Variants in RANBP2 observed in about 807,000 individuals in gnomAD.
RANBP2 encodes the protein RAN binding protein 2.
A neutral mutation model predicts 303.6 loss-of-function variants in RANBP2; 57 were observed. That is an observed-to-expected ratio of 0.19 (90% CI 0.15 to 0.23). RANBP2 has a LOEUF of 0.23. Among genes scored for constraint, RANBP2 ranks in the 10% least tolerant of loss-of-function variants. The pLI is 1.00. For missense variants in RANBP2, 3,138 were observed against 3,780.8 expected, an observed-to-expected ratio of 0.83 and a Z score of 4.46; for synonymous variants, 1,167 against 1,301.5, an observed-to-expected ratio of 0.90 and a Z score of 2.23.
chr2:109,684,400 C>T, the RANBP2 span, among the ~76,000 whole-genome samples: 57 of 151,916 alleles, frequency 3.8e-4, no homozygotes, highest in African/African-American at 1.3e-3. Context: ...GCCACCACGG[C>T]CGGCTAATTT....
chr2:109,415,719 C>A, the RANBP2 span, among the ~76,000 whole-genome samples: 1 of 152,276 alleles, frequency 6.6e-6, no homozygotes, highest in South Asian at 2.1e-4. Flanking sequence ...GATACTGCCC[C>A]CTTTGCCTCC....
the RANBP2 span, among the ~76,000 whole-genome samples, chr2:109,468,983 A>G: frequency 6.7e-6 from 1 of 150,082 alleles, no homozygotes; most frequent in Non-Finnish European, 1.5e-5. Flanking sequence ...TACTAGATGC[A>G]TGTCAAGCTC....
the RANBP2 span, among the ~76,000 whole-genome samples, chr2:109,094,244 C>T: frequency 5.3e-5 from 8 of 152,112 alleles, no homozygotes; most frequent in South Asian, 2.1e-4. Flanking sequence ...ATTGGCTTTG[C>T]GTTGCCTTGA....
chr2:108,820,884 A>T, the RANBP2 span, among the ~76,000 whole-genome samples: 1 of 152,232 alleles, frequency 6.6e-6, no homozygotes, highest in Non-Finnish European at 1.5e-5. Flanking sequence ...CAGCAACATG[A>T]AGCCATATAA....
At chr2:108,786,691 C>G, downstream of RANBP2, 2 of 849,030 alleles carry the variant, frequency 2.4e-6, no homozygotes, top group Non-Finnish European at 3.8e-6. Flanking sequence ...GTCGCCCCGC[C>G]CCGCCCTTTC....
At chr2:109,072,468 C>T in the RANBP2 span, among the ~76,000 whole-genome samples, 1 of 152,298 alleles carries the variant, frequency 6.6e-6, no homozygotes, top group South Asian at 2.1e-4. Context: ...AAAGAAGGTC[C>T]TGGTTTTCAA....
chr2:108,917,259 G>A, the RANBP2 span, among the ~76,000 whole-genome samples: 7 of 152,182 alleles, frequency 4.6e-5, no homozygotes, highest in Non-Finnish European at 4.4e-5. Flanking sequence ...CATAGAAGTG[G>A]AGCAGAACAG....
the RANBP2 span, among the ~76,000 whole-genome samples, chr2:109,133,485 T>C: frequency 6.6e-6 from 1 of 152,242 alleles, no homozygotes; most frequent in Admixed American, 6.5e-5. Flanking sequence ...GCTGAGGACC[T>C]TTCTTTGAGT....
the RANBP2 span, among the ~76,000 whole-genome samples, chr2:109,715,539 A>G: frequency 6.6e-6 from 1 of 152,302 alleles, no homozygotes; most frequent in African/African-American, 2.4e-5. Flanking sequence ...AGGAAAGGGC[A>G]TGGAGCTTCC....
At chr2:109,629,988 A>G in the RANBP2 span, among the ~76,000 whole-genome samples, 1 of 152,202 alleles carries the variant, frequency 6.6e-6, no homozygotes, top group Non-Finnish European at 1.5e-5. Flanking sequence ...AGGGACTCAC[A>G]GTCAGAAGTA....
chr2:109,254,650 G>C, the RANBP2 span, among the ~76,000 whole-genome samples: 3 of 152,114 alleles, frequency 2.0e-5, no homozygotes, highest in African/African-American at 7.2e-5. Flanking sequence ...TCTTCTGCTG[G>C]GTTTCACTTC....
chr2:109,189,240 G>A, the RANBP2 span, among the ~76,000 whole-genome samples: 3 of 151,944 alleles, frequency 2.0e-5, no homozygotes. Flanking sequence ...GAAGGAGGTG[G>A]CGTGAGGTCT....
At chr2:109,429,320 A>G in the RANBP2 span, among the ~76,000 whole-genome samples, 1 of 152,178 alleles carries the variant, frequency 6.6e-6, no homozygotes, top group African/African-American at 2.4e-5. Flanking sequence ...CAGAGGAAAA[A>G]AAGTAGGCAG....
At chr2:109,652,029 C>T in the RANBP2 span, among the ~76,000 whole-genome samples, 3 of 152,292 alleles carry the variant, frequency 2.0e-5, no homozygotes, top group African/African-American at 7.2e-5. Context: ...ATGCTTCCTC[C>T]CCAGCACAGT....
chr2:109,158,430 T>C, the RANBP2 span, among the ~76,000 whole-genome samples: 1 of 152,180 alleles, frequency 6.6e-6, no homozygotes, highest in African/African-American at 2.4e-5. Context: ...TTGGGCACCA[T>C]CCTGGGGGGC....
the RANBP2 span, among the ~76,000 whole-genome samples, chr2:109,406,469 G>GT: frequency 6.6e-6 from 1 of 152,132 alleles, no homozygotes; most frequent in Non-Finnish European, 1.5e-5. Flanking sequence ...ACCAAGCTGT[G>GT]AATGCTTGCT....
chr2:108,789,996 T>C (rs1679635834), downstream of RANBP2, among the ~76,000 whole-genome samples: 1 of 152,184 alleles, frequency 6.6e-6, no homozygotes, highest in African/African-American at 2.4e-5. Flanking sequence ...GAAAAAATAA[T>C]TATGCCTAAA....
the RANBP2 span, chr2:109,501,513 G>A: frequency 1.3e-6 from 1 of 778,364 alleles, no homozygotes; most frequent in Non-Finnish European, 2.4e-6. Flanking sequence ...GTACCGCGTG[G>A]TGGTCTCGTA....
At chr2:108,815,682 G>A in the RANBP2 span, among the ~76,000 whole-genome samples, 11 of 151,764 alleles carry the variant, frequency 7.2e-5, no homozygotes, top group African/African-American at 2.7e-4. Flanking sequence ...GGCTGGTCTC[G>A]AACTCCTAGG....
Sources: allele counts gnomAD v4.1 joint callset (sites outside exome capture counted in the v4.1 genomes callset), GRCh38; gene constraint gnomAD v4.1.1; transcripts MANE v1.5; gene names NCBI Gene and HGNC (gene_info 2026-07-23, HGNC 2026-07-21).